DUSP15: variants seen among roughly 807,000 people sequenced by gnomAD.
DUSP15 encodes dual specificity protein phosphatase 15.
A neutral mutation model predicts 26.3 loss-of-function variants in DUSP15; 23 were observed. The observed-to-expected ratio is 0.87, with a 90% CI of 0.63 to 1.24. The LOEUF is 1.24. DUSP15 is among the 50% of genes most tolerant of loss of function. The pLI is 0.00. For missense variants in DUSP15, 364 were observed against 320.6 expected, an observed-to-expected ratio of 1.14 and a Z score of -1.03; for synonymous variants, 143 against 135.5, an observed-to-expected ratio of 1.06 and a Z score of -0.39.
Position 31,870,207 on chromosome 20 carries a change from C to G in DUSP15, c.21+110G>C. The G allele has an allele frequency of 8.2e-7, 1 of 1,225,390 alleles. No individual in the cohort carries two copies. Among genetic ancestry groups the G allele is most frequent in the Non-Finnish European group, 1.0e-6 (1 of 983,642 alleles). The allele number at this position is 1,225,390 out of a possible 1,614,324, so 75.9% of individuals were successfully genotyped here. ...ACAGGGACACGGAGATGCCGCCGCA[C>G]GGAGACCGGCGAGAACAGAAGGTCA... On this transcript the variant is annotated intron_variant, in intron 1 of 6. Transcript: ENST00000339738. The surrounding 1 kb of genome is among the most constrained non-coding windows in gnomAD (Gnocchi z 6.6).
chr20:31,869,193 T>A (rs931599025), intron 2 of DUSP15, among the ~76,000 whole-genome samples: 1 of 152,230 alleles, frequency 6.6e-6, no homozygotes, highest in Non-Finnish European at 1.5e-5. Flanking sequence ...GCTCAGCAGC[T>A]GGTGGACCTT....
intron 3 of DUSP15, among the ~76,000 whole-genome samples, chr20:31,865,843 A>C (rs1568694617): frequency 6.6e-6 from 1 of 152,118 alleles, no homozygotes; most frequent in East Asian, 1.9e-4. Flanking sequence ...TTGCTGATGG[A>C]GGGGGGAAGG....
At chr20:31,850,937 G>C (rs919220401) in intron 6 of DUSP15, among the ~76,000 whole-genome samples, 1 of 152,340 alleles carries the variant, frequency 6.6e-6, no homozygotes, top group East Asian at 1.9e-4. Context: ...TGGGAGAGGA[G>C]GCCTGTGACT....
At chr20:31,850,472 A>G in intron 7 of DUSP15, 1 of 859,266 alleles carries the variant, frequency 1.2e-6, no homozygotes, top group Non-Finnish European at 1.9e-6. Context: ...CTAAGCCCTC[A>G]GGAAATGTTG....
chr20:31,859,356 AAAGATC>A (rs2062609754), downstream of DUSP15, among the ~76,000 whole-genome samples: 1 of 152,132 alleles, frequency 6.6e-6, no homozygotes, highest in African/African-American at 2.4e-5. Flanking sequence ...GGGATATGAA[AAAGATC>A]AAGTTGCTCA....
Position 31,861,646 on chromosome 20 carries a change from G to A in DUSP15, c.465C>T (p.Gly155=), listed in dbSNP as rs531718110. The part of the protein sequence containing the change: ...KLRRQLEERF[G]ESPFRDEEEL... ...CCTCCTCGTCGCGGAAGGGGCTCTC[G>A]CCGAAGCGCTCCTCCAGCTGCCGGC... The change falls in exon 7 of 7, where the codon GGC becomes GGT. Residue 155 remains glycine, a synonymous_variant. Transcript: ENST00000339738. 2.3e-6 allele frequency: 3 copies of A among 1,293,324 alleles called. No individual in the cohort carries two copies. The highest frequency in any genetic ancestry group is 1.6e-5 in the African/African-American group (1 of 61,292). The allele number at this position is 1,293,324 out of a possible 1,614,324, so 80.1% of individuals were successfully genotyped here. A position where few individuals can be genotyped will look rare whatever the true frequency, so the allele number is the denominator to read the frequency against.
intron 2 of DUSP15, among the ~76,000 whole-genome samples, chr20:31,867,785 C>CA (rs1476809184): frequency 6.6e-6 from 1 of 152,044 alleles, no homozygotes; most frequent in African/African-American, 2.4e-5. Flanking sequence ...GCTGGGACTA[C>CA]AGGCTCCCGC....
intron 3 of DUSP15, among the ~76,000 whole-genome samples, chr20:31,865,571 T>G (rs2062749130): frequency 6.6e-6 from 1 of 152,170 alleles, no homozygotes; most frequent in African/African-American, 2.4e-5. Context: ...CCTGAGGACC[T>G]CCTTGCTTTT....
At chr20:31,846,475 A>AGGGGGG (rs1555791619), downstream of DUSP15, among the ~76,000 whole-genome samples, 2 of 79,616 alleles carry the variant, frequency 2.5e-5, no homozygotes, top group African/African-American at 1.5e-4. Context: ...AGAGAGAGAG[A>AGGGGGG]GGAGAGAGAG....
chr20:31,860,558 A>C (rs1450509891), downstream of DUSP15, among the ~76,000 whole-genome samples: 1 of 152,140 alleles, frequency 6.6e-6, no homozygotes, highest in Non-Finnish European at 1.5e-5. Context: ...CCGTCATGGG[A>C]CTCAGACTGA....
exon 10 of DUSP15, chr20:31,848,422 G>C (rs1234741477): frequency 1.2e-6 from 2 of 1,611,922 alleles, no homozygotes; most frequent in Admixed American, 1.7e-5. Flanking sequence ...TACAAGAAGA[G>C]GAAGCGGCTC....
In DUSP15 at chr20:31,867,631, G is replaced by GTTTTTT. The variant is rs57662463; in HGVS notation, c.56-484_56-479dup. 1.5e-3 allele frequency among the ~76,000 whole-genome samples: 117 copies of GTTTTTT among 77,634 alleles called. 15 individuals carry two copies. The East Asian group carries it at 0.019, about 13-fold the overall frequency. The allele number at this position is 77,634 out of a possible 152,430, so 50.9% of individuals were successfully genotyped here. On this transcript the variant is annotated intron_variant, in intron 2 of 6. Transcript: ENST00000339738. Reference sequence around the variant, plus strand: ...GCTGATGTGCAATGATGCCCACAATGTTTTTTTTTTTTTTTTTTTTTTTTT... The same window carrying GTTTTTT: ...GCTGATGTGCAATGATGCCCACAATGTTTTTTTTTTTTTTTTTTTTTTTTTTTTTTT...
At chr20:31,858,333 G>C (rs1446400795), downstream of DUSP15, among the ~76,000 whole-genome samples, 1 of 152,194 alleles carries the variant, frequency 6.6e-6, no homozygotes, top group Non-Finnish European at 1.5e-5. The surrounding 1 kb of genome is among the most constrained non-coding windows in gnomAD (Gnocchi z 4.4). Context: ...TGCCGTCGGG[G>C]ACCTTTCCTT....
chr20:31,851,004 G>T (rs896954811), intron 6 of DUSP15, among the ~76,000 whole-genome samples: 9 of 152,220 alleles, frequency 5.9e-5, no homozygotes, highest in Admixed American at 3.9e-4. Context: ...CGGACTGAAG[G>T]CCAGCTGGGG....
At position 31,862,760 on chromosome 20, in the gene DUSP15, C is replaced by T. The variant is rs368494323; in HGVS notation, c.264-18G>A. 2 of 1,579,378 alleles carry T rather than the reference C, an allele frequency of 1.3e-6. No homozygotes were observed. Among genetic ancestry groups the T allele is most frequent in the South Asian group, 1.1e-5 (1 of 87,702 alleles). Reference sequence around the variant, plus strand: ...CTGCAAAGCTGGGATCCCCAACAACCCCTCAGGCTTCAAGTAAGATCCAAT... The same window carrying T: ...CTGCAAAGCTGGGATCCCCAACAACTCCTCAGGCTTCAAGTAAGATCCAAT... On this transcript the variant is annotated intron_variant, in intron 5 of 6. Coordinates refer to ENST00000339738, the MANE Select transcript of DUSP15 (RefSeq NM_080611.5).
chr20:31,847,375 G>A (rs2062387779), downstream of DUSP15, among the ~76,000 whole-genome samples: 1 of 152,180 alleles, frequency 6.6e-6, no homozygotes, highest in South Asian at 2.1e-4. Flanking sequence ...AGAGTAAAGA[G>A]CATGCTGTTT....
downstream of DUSP15, among the ~76,000 whole-genome samples, chr20:31,858,910 G>A (rs946744875): frequency 6.6e-6 from 1 of 152,294 alleles, no homozygotes; most frequent in African/African-American, 2.4e-5. This position sits in a 1 kb window ranked among gnomAD's most constrained non-coding sequence, Gnocchi z 4.4. Flanking sequence ...GAGTTCCCCC[G>A]TGAGGTTCTG....
chr20:31,846,605 G>A (rs962935915), downstream of DUSP15, among the ~76,000 whole-genome samples: 6 of 152,112 alleles, frequency 3.9e-5, no homozygotes, highest in Admixed American at 1.3e-4. Context: ...TTCTCCTGCG[G>A]TGCAGAGGCC....
intron 5 of DUSP15, among the ~76,000 whole-genome samples, chr20:31,863,426 G>A (rs963551612): frequency 8.5e-5 from 13 of 152,212 alleles, no homozygotes; most frequent in African/African-American, 3.1e-4. Flanking sequence ...GCCAGCTTGA[G>A]CCTGGATAGG....
Sources: allele counts gnomAD v4.1 joint callset (sites outside exome capture counted in the v4.1 genomes callset), GRCh38; gene constraint gnomAD v4.1.1; non-coding constraint Gnocchi (gnomAD v3.1); transcripts MANE v1.5; gene names NCBI Gene and HGNC (gene_info 2026-07-23, HGNC 2026-07-21).